NFIB: variants seen among roughly 807,000 people sequenced by gnomAD.
The protein encoded by NFIB is nuclear factor I B.
A neutral mutation model predicts 61.5 loss-of-function variants in NFIB; 11 were observed. That is an observed-to-expected ratio of 0.18 (90% confidence interval 0.11 to 0.30). The LOEUF (loss-of-function observed/expected upper bound fraction) is 0.30. Among genes scored for constraint, NFIB ranks in the 10% least tolerant of loss-of-function variants. The pLI is 1.00. For missense variants in NFIB, 471 were observed against 608.9 expected, an observed-to-expected ratio of 0.77 and a Z score of 2.38; for synonymous variants, 260 against 216.5, an observed-to-expected ratio of 1.20 and a Z score of -1.76.
the NFIB span, among the ~76,000 whole-genome samples, chr9:14,421,148 C>G: frequency 6.6e-6 from 1 of 150,986 alleles, no homozygotes; most frequent in South Asian, 2.1e-4. Flanking sequence ...AAGAGACAAG[C>G]CCCTTCTTTT....
At chr9:14,427,950 T>TTTTTG in the NFIB span, among the ~76,000 whole-genome samples, 3 of 105,264 alleles carry the variant, frequency 2.8e-5, no homozygotes, top group African/African-American at 1.0e-4. Context: ...TTTTTTTTTT[T>TTTTTG]TTTTTTTTTT....
chr9:14,312,069 G>T (rs2060305503), intron 1 of NFIB, among the ~76,000 whole-genome samples: 1 of 152,118 alleles, frequency 6.6e-6, no homozygotes, highest in Admixed American at 6.5e-5. Flanking sequence ...ATTAAAGTGC[G>T]TGTTTACTTG....
At chr9:14,227,410 C>G (rs2052569312) in intron 2 of NFIB, among the ~76,000 whole-genome samples, 1 of 152,084 alleles carries the variant, frequency 6.6e-6, no homozygotes, top group African/African-American at 2.4e-5. Flanking sequence ...GTTGAATAAA[C>G]AAAGCATGGA....
intron 2 of NFIB, among the ~76,000 whole-genome samples, chr9:14,224,752 G>A (rs1320860050): frequency 6.6e-6 from 1 of 152,194 alleles, no homozygotes; most frequent in Non-Finnish European, 1.5e-5. Flanking sequence ...CCTGGGGTTG[G>A]GGCGGTCCTA....
chr9:14,288,701 A>G (rs556162344), intron 2 of NFIB, among the ~76,000 whole-genome samples: 1 of 152,158 alleles, frequency 6.6e-6, no homozygotes, highest in Admixed American at 6.5e-5. Context: ...AGTTAGTTGT[A>G]TACTTGTCCC....
the NFIB span, among the ~76,000 whole-genome samples, chr9:14,443,209 G>C: frequency 2.6e-5 from 4 of 151,964 alleles, no homozygotes; most frequent in Non-Finnish European, 4.4e-5. Context: ...TTCTTCTTGT[G>C]TGTCATCTGA....
At chr9:14,226,549 GAA>G (rs79951404) in intron 2 of NFIB, among the ~76,000 whole-genome samples, 16 of 89,400 alleles carry the variant, frequency 1.8e-4, no homozygotes, top group South Asian at 1.6e-3. Context: ...CCCTATCTCA[GAA>G]AAAAAAAAAA....
the NFIB span, among the ~76,000 whole-genome samples, chr9:14,461,232 C>T: frequency 2.6e-5 from 4 of 152,000 alleles, no homozygotes; most frequent in South Asian, 4.1e-4. Flanking sequence ...GCAGAGCAAT[C>T]GGCACAGAGT....
chr9:14,203,943 T>A (rs2382460), intron 2 of NFIB, among the ~76,000 whole-genome samples: 14 of 151,670 alleles, frequency 9.2e-5, no homozygotes, highest in Non-Finnish European at 1.6e-4. Flanking sequence ...AAAAAAATGT[T>A]AAAAAAAACC....
At chr9:14,132,382 GCTA>G (rs1432037137) in intron 6 of NFIB, among the ~76,000 whole-genome samples, 2 of 152,020 alleles carry the variant, frequency 1.3e-5, no homozygotes, top group African/African-American at 4.8e-5. Context: ...CCATTTGCTG[GCTA>G]CTTTTATTCT....
the NFIB span, among the ~76,000 whole-genome samples, chr9:14,504,075 GT>G: frequency 6.6e-6 from 1 of 152,126 alleles, no homozygotes; most frequent in South Asian, 2.1e-4. Flanking sequence ...TGAATATGAT[GT>G]CCTTTCCCCA....
chr9:14,367,079 T>C (rs2061309063), intron 1 of NFIB, among the ~76,000 whole-genome samples: 1 of 152,176 alleles, frequency 6.6e-6, no homozygotes, highest in African/African-American at 2.4e-5. Flanking sequence ...TTGATGACCA[T>C]GATAATGACA....
At chr9:14,420,592 T>G in the NFIB span, among the ~76,000 whole-genome samples, 3,693 of 152,116 alleles carry the variant, frequency 0.024, 60 homozygotes, top group Middle Eastern at 0.065. Flanking sequence ...AAACAACAGA[T>G]GTAAATTGCA....
chr9:14,113,462 T>C (rs947767902), intron 9 of NFIB, among the ~76,000 whole-genome samples: 2 of 152,182 alleles, frequency 1.3e-5, no homozygotes, highest in African/African-American at 4.8e-5. Context: ...TGATGGTATA[T>C]GATTCTAAAT....
chr9:14,433,670 T>G, the NFIB span, among the ~76,000 whole-genome samples: 1 of 152,168 alleles, frequency 6.6e-6, no homozygotes, highest in Non-Finnish European at 1.5e-5. Flanking sequence ...CTTAAGTAGT[T>G]GTAATTAATA....
the NFIB span, among the ~76,000 whole-genome samples, chr9:14,468,043 G>C: frequency 6.6e-6 from 1 of 152,168 alleles, no homozygotes; most frequent in Admixed American, 6.5e-5. Context: ...ATATTCGTTA[G>C]TCTATTTCTC....
At chr9:14,415,508 G>C in the NFIB span, among the ~76,000 whole-genome samples, 1 of 152,216 alleles carries the variant, frequency 6.6e-6, no homozygotes, top group Non-Finnish European at 1.5e-5. Flanking sequence ...AGTGTGAATA[G>C]CAGGAGGCCA....
the NFIB span, among the ~76,000 whole-genome samples, chr9:14,406,870 G>A: frequency 1.3e-5 from 2 of 152,158 alleles, no homozygotes; most frequent in African/African-American, 2.4e-5. Flanking sequence ...TAGCGATTAC[G>A]TAGAGCAAAG....
At chr9:14,175,396 G>A (rs921088094) in intron 3 of NFIB, among the ~76,000 whole-genome samples, 4 of 151,790 alleles carry the variant, frequency 2.6e-5, no homozygotes, top group South Asian at 2.1e-4. Context: ...GAATGGTCTC[G>A]ATCTCCTGAC....
Sources: allele counts gnomAD v4.1 joint callset (sites outside exome capture counted in the v4.1 genomes callset), GRCh38; gene constraint gnomAD v4.1.1; transcripts MANE v1.5; gene names NCBI Gene and HGNC (gene_info 2026-07-23, HGNC 2026-07-21).